Variants in NFIB observed in about 807,000 individuals in gnomAD.
NFIB encodes the protein nuclear factor 1 B-type.
A neutral mutation model predicts 61.5 loss-of-function variants in NFIB; 11 were observed. The ratio of observed to expected loss-of-function variants is 0.18; its 90% CI spans 0.11 to 0.30. The LOEUF (loss-of-function observed/expected upper bound fraction) is 0.30, where lower values mean the gene tolerates loss of function less well. Among genes scored for constraint, NFIB ranks in the 10% least tolerant of loss-of-function variants. The pLI is 1.00. For missense variants in NFIB, 471 were observed against 608.9 expected (o/e 0.77, Z 2.38); for synonymous variants, 260 against 216.5 (o/e 1.20, Z -1.76).
chr9:14,106,973 C>A (rs956719474), intron 10 of NFIB, among the ~76,000 whole-genome samples: 5 of 152,006 alleles, frequency 3.3e-5, no homozygotes, highest in Admixed American at 2.6e-4. Context: ...TACCTTCTCA[C>A]TTTTTTTTCT....
intron 2 of NFIB, among the ~76,000 whole-genome samples, chr9:14,227,940 T>C (rs886587499): frequency 9.2e-5 from 14 of 152,220 alleles, no homozygotes; most frequent in African/African-American, 1.7e-4. Flanking sequence ...CAATTTTACA[T>C]AATTTATTTT....
At chr9:14,445,947 T>C in the NFIB span, among the ~76,000 whole-genome samples, 1 of 152,212 alleles carries the variant, frequency 6.6e-6, no homozygotes, top group Admixed American at 6.5e-5. Context: ...GGTAACACAC[T>C]GGCTCAGATT....
At chr9:14,281,819 GCA>G (rs144220396) in intron 2 of NFIB, among the ~76,000 whole-genome samples, 1 of 151,590 alleles carries the variant, frequency 6.6e-6, no homozygotes, top group Non-Finnish European at 1.5e-5. Context: ...ACGTTCACAT[GCA>G]CACACACACA....
chr9:14,498,711 A>G, the NFIB span, among the ~76,000 whole-genome samples: 1 of 151,718 alleles, frequency 6.6e-6, no homozygotes, highest in Non-Finnish European at 1.5e-5. Context: ...AATAGTGGCT[A>G]CAGTAGCTAG....
chr9:14,178,333 T>G (rs2046390977), intron 3 of NFIB, among the ~76,000 whole-genome samples: 1 of 152,102 alleles, frequency 6.6e-6, no homozygotes, highest in East Asian at 1.9e-4. Flanking sequence ...CTAAGTAGCC[T>G]TTTTGGAAAG....
chr9:14,436,077 C>T, the NFIB span, among the ~76,000 whole-genome samples: 1 of 152,350 alleles, frequency 6.6e-6, no homozygotes, highest in South Asian at 2.1e-4. Flanking sequence ...TCTCTGTCTC[C>T]TCACTCAGGC....
chr9:14,116,689 T>C (rs763316904), intron 8 of NFIB, among the ~76,000 whole-genome samples: 2 of 152,250 alleles, frequency 1.3e-5, no homozygotes, highest in African/African-American at 2.4e-5. Context: ...TGGAATTCCT[T>C]ACTGAACTAG....
intron 1 of NFIB, among the ~76,000 whole-genome samples, chr9:14,327,471 A>G (rs1317005744): frequency 6.6e-6 from 1 of 152,228 alleles, no homozygotes; most frequent in Non-Finnish European, 1.5e-5. Context: ...CATTCCTACT[A>G]CAAACACACA....
At chr9:14,305,879 T>C in intron 2 of NFIB, 1 of 733,850 alleles carries the variant, frequency 1.4e-6, no homozygotes, top group South Asian at 5.2e-5. Flanking sequence ...AGTTTGGAAA[T>C]GACCTACCAT....
At chr9:14,457,902 G>A in the NFIB span, among the ~76,000 whole-genome samples, 3 of 152,128 alleles carry the variant, frequency 2.0e-5, no homozygotes, top group Non-Finnish European at 4.4e-5. Flanking sequence ...AAAAGTCCAG[G>A]ACCAGGCGGA....
chr9:14,385,396 C>G lies in NFIB; in HGVS notation c.108+13128G>C, dbSNP rs143257062. On this transcript the variant is annotated intron_variant, in intron 1 of 8. Coordinates refer to the NFIB transcript ENST00000380934. ...TTGTGGCCAGTTATTATAGATGATA[C>G]AGCCATCATACAGAGGGGGTTGGGA... Among the ~76,000 whole-genome samples, 43 of 152,300 alleles carry G rather than the reference C, an allele frequency of 2.8e-4. 1 individual carries two copies. The East Asian group carries it at 7.7e-3, about 27-fold the overall frequency.
intron 2 of NFIB, among the ~76,000 whole-genome samples, chr9:14,195,042 T>C (rs2048327985): frequency 1.3e-5 from 2 of 152,228 alleles, no homozygotes; most frequent in South Asian, 4.2e-4. Flanking sequence ...GGAAATCCTA[T>C]TCTTCTAGGC....
At chr9:14,242,371 C>A (rs573118988) in intron 2 of NFIB, among the ~76,000 whole-genome samples, 1 of 152,148 alleles carries the variant, frequency 6.6e-6, no homozygotes, top group African/African-American at 2.4e-5. Context: ...TTCAGACTTA[C>A]AAAAGTTATT....
the NFIB span, among the ~76,000 whole-genome samples, chr9:14,476,771 G>C: frequency 6.6e-6 from 1 of 152,204 alleles, no homozygotes; most frequent in Non-Finnish European, 1.5e-5. Flanking sequence ...CCTGGGGTGA[G>C]ATAGGTGCCC....
intron 1 of NFIB, among the ~76,000 whole-genome samples, chr9:14,377,018 G>A (rs1344563917): frequency 6.6e-6 from 1 of 152,114 alleles, no homozygotes; most frequent in African/African-American, 2.4e-5. Flanking sequence ...AAGATATACT[G>A]TATAAAATAA....
At chr9:14,169,536 G>A (rs1251215097) in intron 3 of NFIB, among the ~76,000 whole-genome samples, 1 of 152,076 alleles carries the variant, frequency 6.6e-6, no homozygotes, top group South Asian at 2.1e-4. Context: ...GCTAATAAGA[G>A]TCAGCTGGGT....
chr9:14,341,375 G>T (rs2060948160), intron 1 of NFIB, among the ~76,000 whole-genome samples: 1 of 152,208 alleles, frequency 6.6e-6, no homozygotes, highest in Non-Finnish European at 1.5e-5. Context: ...GTAGTTTACA[G>T]AAAGGAGCCA....
chr9:14,399,165 A>C (rs975415844), upstream of NFIB, among the ~76,000 whole-genome samples: 5 of 152,244 alleles, frequency 3.3e-5, no homozygotes, highest in African/African-American at 1.2e-4. Flanking sequence ...TTTTGAATAT[A>C]TGTTGTTGGA....
chr9:14,184,687 T>C (rs574437355), intron 2 of NFIB, among the ~76,000 whole-genome samples: 2 of 152,294 alleles, frequency 1.3e-5, no homozygotes, highest in South Asian at 4.2e-4. Flanking sequence ...TCATCAAAAC[T>C]GTCAAATTTT....
Sources: gnomAD v4.1 joint callset for allele counts (sites outside exome capture counted in the v4.1 genomes callset) on GRCh38, gnomAD v4.1.1 for gene constraint, MANE v1.5 for transcripts, NCBI Gene and HGNC (gene_info 2026-07-23, HGNC 2026-07-21) for gene names.